Variants in MSH5 observed in about 807,000 individuals in gnomAD.
The protein encoded by MSH5 is mutS homolog 5.
A neutral mutation model predicts 107.7 loss-of-function variants in MSH5; 78 were observed. The ratio of observed to expected loss-of-function variants is 0.72; its 90% CI spans 0.60 to 0.87. The LOEUF is 0.87. Among genes scored for constraint, MSH5 ranks in the 40% least tolerant of loss-of-function variants. MSH5 has a pLI of 0.00. For synonymous variants in MSH5, 326 were observed against 399.5 expected (o/e 0.82, Z 2.19); for missense variants, 889 against 1,046.6 (o/e 0.85, Z 2.08).
intron 12 of MSH5, among the ~76,000 whole-genome samples, chr6:31,755,384 C>T (rs774444225): frequency 6.1e-5 from 7 of 114,872 alleles, no homozygotes; most frequent in Non-Finnish European, 1.0e-4. Context: ...ATTTTTGAGA[C>T]GGGATTTTGC....
At position 31,759,305 on chromosome 6, in the gene MSH5, C is replaced by A; in HGVS notation, c.1408-120C>A. On this transcript the variant is annotated intron_variant, in intron 16 of 24. Coordinates refer to ENST00000375750, the MANE Select transcript of MSH5 (RefSeq NM_172166.4). This position sits in a 1 kb window ranked among gnomAD's most constrained non-coding sequence, Gnocchi z 4.7. ...TCTGTAGTTTTACTCTGAGCTTTAC[C>A]AGCACTGAGACAAAGGAAAGAGAAG... is the stretch of plus-strand genomic sequence containing the variant. The A allele has an allele frequency of 7.2e-7, 1 of 1,389,568 alleles. No homozygotes were observed. The highest frequency in any genetic ancestry group is 1.0e-6 in the Non-Finnish European group (1 of 979,378). 86.1% of individuals were successfully genotyped at this position (1,389,568 alleles called of 1,614,324 possible).
Position 31,742,859 on chromosome 6 carries a change from C to G in MSH5, c.272-18C>G. On this transcript the variant is annotated intron_variant, in intron 3 of 24. Transcript: ENST00000375750. ...ACAAAGATCCTTTAACTCATTTGATCTCTGTTCTCCTTCCAAGTTCTGGAT... is the reference window on the plus strand; with the variant it reads ...ACAAAGATCCTTTAACTCATTTGATGTCTGTTCTCCTTCCAAGTTCTGGAT... 1 of 1,611,960 alleles carries G rather than the reference C, an allele frequency of 6.2e-7. No individual in the cohort carries two copies. The highest frequency in any genetic ancestry group is 8.5e-7 in the Non-Finnish European group (1 of 1,179,068).
rs961633772 is a variant in MSH5 at position 31,740,537 on chromosome 6, TC to T, written c.75del (p.Ser26AlafsTer85). The T allele has an allele frequency of 5.9e-6, 9 of 1,537,702 alleles. No homozygotes were observed. The highest frequency in any genetic ancestry group is 2.6e-6 in the Non-Finnish European group (3 of 1,141,918). ...AGACCTGGGGCGGCCTCCTCCGGCT[TC>T]CCCAGCCCGGCCCCAGTGCCGGGCC... Reference protein sequence around the residue: ...GPRPGAASSGFPSPAPVPGPR... With the variant: ...GPRPGAASSGXPSPAPVPGPR... On this transcript the variant is annotated frameshift_variant, in exon 2 of 25. Coordinates refer to ENST00000375750, the MANE Select transcript of MSH5 (RefSeq NM_172166.4). LOFTEE classifies it high-confidence loss of function. The surrounding 1 kb of genome is among the most constrained non-coding windows in gnomAD (Gnocchi z 4.4).
intron 9 of MSH5, chr6:31,745,998 C>T (rs1809411224): frequency 6.6e-6 from 1 of 152,228 alleles, no homozygotes; most frequent in Non-Finnish European, 1.5e-5. Context: ...GATCTCCTGA[C>T]CTCGTGATCC....
At chr6:31,756,533 T>G (rs1238578114) in intron 12 of MSH5, 3 of 152,212 alleles carry the variant, frequency 2.0e-5, no homozygotes, top group African/African-American at 7.2e-5. Flanking sequence ...CTTTCTTCAT[T>G]TATTAGCCAG....
Position 31,761,667 on chromosome 6 carries a change from G to A in MSH5, c.2181+52G>A. The stretch of plus-strand genomic sequence containing the variant: ...GGACCCCCAGGCTGGGCATTTCCCA[G>A]AGGTGGGGATTGGCTCCTCTATCAG... On this transcript the variant is annotated intron_variant, in intron 22 of 24. Transcript: ENST00000375750. This position sits in a 1 kb window ranked among gnomAD's most constrained non-coding sequence, Gnocchi z 5.3. The A allele has an allele frequency of 1.2e-6, 2 of 1,613,492 alleles. No homozygotes were observed. Among genetic ancestry groups the A allele is most frequent in the Non-Finnish European group, 8.5e-7 (1 of 1,179,906 alleles).
chr6:31,749,037 T>G (rs1809722640), intron 10 of MSH5, among the ~76,000 whole-genome samples: 1 of 151,014 alleles, frequency 6.6e-6, no homozygotes. Context: ...TGCCTCAGCC[T>G]CCGGAGTAGC....
chr6:31,752,718 CAAA>C (rs9279408), intron 10 of MSH5, among the ~76,000 whole-genome samples: 10 of 124,548 alleles, frequency 8.0e-5, no homozygotes, highest in Non-Finnish European at 1.0e-4. Context: ...GACTCTGTCT[CAAA>C]AAAAAAAAAA....
Position 31,744,265 on chromosome 6 carries a change from A to G in MSH5, c.613A>G (p.Ser205Gly), listed in dbSNP as rs369927732. 6.2e-7 allele frequency: 1 copy of G among 1,614,074 alleles called. No individual in the cohort carries two copies. Among genetic ancestry groups the G allele is most frequent in the Non-Finnish European group, 8.5e-7 (1 of 1,180,046 alleles). Reference sequence around the variant, plus strand: ...GGTTGAACTGGAAGACTATAATGTCAGCGTCCCCATCCTGGGCTTTAAGAA... The same window carrying G: ...GGTTGAACTGGAAGACTATAATGTCGGCGTCCCCATCCTGGGCTTTAAGAA... ...IGVELEDYNV[S>G]VPILGFKKFM... Residue 205 changes from serine (S) to glycine (G), a missense_variant, in exon 7 of 25, where the codon AGC becomes GGC. Coordinates refer to ENST00000375750, the MANE Select transcript of MSH5 (RefSeq NM_172166.4).
Position 31,762,187 on chromosome 6 carries a change from T to G in MSH5, c.2393+2T>G, listed in dbSNP as rs764851142. On this transcript the variant is annotated splice_donor_variant, in intron 24 of 24. Coordinates refer to ENST00000375750, the MANE Select transcript of MSH5 (RefSeq NM_172166.4). LOFTEE classifies it high-confidence loss of function. ...GCTAAAGAAGAACCAAATGGAAAAG[T>G]GCGTATATGGCCCCAGTGTCTTTAC... 1.2e-6 allele frequency: 2 copies of G among 1,614,006 alleles called. No individual in the cohort carries two copies. Among genetic ancestry groups the G allele is most frequent in the African/African-American group, 2.7e-5 (2 of 74,910 alleles).
intron 8 of MSH5, 63 bp downstream of exon 8, chr6:31,744,644 A>G (rs532048749): frequency 2.0e-4 from 310 of 1,535,258 alleles, no homozygotes; most frequent in Non-Finnish European, 2.6e-4. Context: ...TAATGCCCCA[A>G]TAATCCTAAT....
chr6:31,759,316 C>G lies in MSH5; in HGVS notation c.1408-109C>G. On this transcript the variant is annotated intron_variant, in intron 16 of 24. Transcript: ENST00000375750. This position sits in a 1 kb window ranked among gnomAD's most constrained non-coding sequence, Gnocchi z 4.7. ...ACTCTGAGCTTTACCAGCACTGAGACAAAGGAAAGAGAAGTCAGAGTTAGG... is the reference window on the plus strand; with the variant it reads ...ACTCTGAGCTTTACCAGCACTGAGAGAAAGGAAAGAGAAGTCAGAGTTAGG... The G allele has an allele frequency of 2.8e-6, 4 of 1,420,114 alleles. No homozygotes were observed. Among genetic ancestry groups the G allele is most frequent in the Non-Finnish European group, 4.0e-6 (4 of 1,008,030 alleles). The allele number at this position is 1,420,114 out of a possible 1,614,324, so 88.0% of individuals were successfully genotyped here.
In MSH5 at chr6:31,762,116, C is replaced by T. The variant is rs1394531726; in HGVS notation, c.2324C>T (p.Ser775Leu). The change falls in exon 24 of 25, where the codon TCA becomes TTA. Residue 775 changes from serine to leucine, a missense_variant. Around this residue, in one of 3 missense-constraint regions of MSH5, gnomAD observed 362 missense variants for 456.2 expected, o/e 0.79. Coordinates refer to ENST00000375750, the MANE Select transcript of MSH5 (RefSeq NM_172166.4). The part of the protein sequence containing the change: ...DKLVARGKEV[S>L]DLIRSGKPIK... The stretch of plus-strand genomic sequence containing the variant: ...CACCTTCTTGCTTGTTCCTAGGTCT[C>T]AGACTTGATCCGCAGTGGAAAACCC... The T allele has an allele frequency of 2.1e-5, 34 of 1,614,050 alleles. No individual in the cohort carries two copies. Among genetic ancestry groups the T allele is most frequent in the Non-Finnish European group, 2.9e-5 (34 of 1,180,044 alleles).
In MSH5 at chr6:31,753,364, G is replaced by GT; in HGVS notation, c.882dup (p.Leu295SerfsTer75). 2 of 1,614,186 alleles carry GT rather than the reference G, an allele frequency of 1.2e-6. No individual in the cohort carries two copies. The highest frequency in any genetic ancestry group is 2.2e-5 in the East Asian group (1 of 44,886). ...TCAGTTCTCGTCTGGACGTCATTCA[G>GT]TTTTTTCTGCTGCCCCAGAATCTGG... On this transcript the variant is annotated frameshift_variant, in exon 11 of 25. Transcript: ENST00000375750. LOFTEE classifies it high-confidence loss of function.
intron 24 of MSH5, 59 bp from the exon 25 acceptor site, chr6:31,762,361 T>C (rs1388325260): frequency 2.2e-6 from 3 of 1,394,596 alleles, no homozygotes; most frequent in Non-Finnish European, 3.1e-6. Context: ...CTCTCCCCTC[T>C]GCCCAGGGAT....
chr6:31,750,819 T>C (rs1297672328), intron 10 of MSH5, among the ~76,000 whole-genome samples: 1 of 152,128 alleles, frequency 6.6e-6, no homozygotes. Flanking sequence ...CTTCAGGACC[T>C]AGTGTGTGCA....
chr6:31,753,250 C>A (rs1362789981), intron 10 of MSH5, 51 bp from the exon 11 acceptor site: 1 of 1,553,136 alleles, frequency 6.4e-7, no homozygotes, highest in South Asian at 1.2e-5. Context: ...AAACTGAGAT[C>A]AAGATGATAG....
chr6:31,740,185 G>T lies in MSH5; in HGVS notation c.-14+123G>T, dbSNP rs537089794. 2 of 360,182 alleles carry T rather than the reference G, an allele frequency of 5.6e-6. No homozygotes were observed. Among genetic ancestry groups the T allele is most frequent in the East Asian group, 9.1e-5 (2 of 21,924 alleles). 22.3% of individuals were successfully genotyped at this position (360,182 alleles called of 1,614,324 possible). On this transcript the variant is annotated intron_variant, in intron 1 of 24. Transcript: ENST00000375750. This position sits in a 1 kb window ranked among gnomAD's most constrained non-coding sequence, Gnocchi z 4.4. Reference sequence around the variant, plus strand: ...CAGAGACATAAGACGTGCACGACTCGCCCCACAGGGCCCTCAGACCCCTTC... The same window carrying T: ...CAGAGACATAAGACGTGCACGACTCTCCCCACAGGGCCCTCAGACCCCTTC...
Position 31,759,638 on chromosome 6 carries a change from C to T in MSH5, c.1495+126C>T, listed in dbSNP as rs1320234771. On this transcript the variant is annotated intron_variant, in intron 17 of 24. Coordinates refer to ENST00000375750, the MANE Select transcript of MSH5 (RefSeq NM_172166.4). The surrounding 1 kb of genome is among the most constrained non-coding windows in gnomAD (Gnocchi z 4.7). ...CCCCTCCTCTTCCTGCTCTCTGTCT[C>T]GCTCACTCTGACTCTATCTTTTCCT... The T allele has an allele frequency of 2.1e-5, 28 of 1,339,812 alleles. No homozygotes were observed. In the East Asian group the frequency reaches 2.6e-4, roughly 12 times the overall value. The allele number at this position is 1,339,812 out of a possible 1,614,324, so 83.0% of individuals were successfully genotyped here.
Sources: allele counts gnomAD v4.1 joint callset (sites outside exome capture counted in the v4.1 genomes callset), GRCh38; gene constraint gnomAD v4.1.1; regional missense constraint gnomAD v4.1.1; non-coding constraint Gnocchi (gnomAD v3.1); transcripts MANE v1.5; gene names NCBI Gene and HGNC (gene_info 2026-07-23, HGNC 2026-07-21).